The following OSBPL8 variants were observed in gnomAD, a reference collection of about 807,000 sequenced individuals.
OSBPL8 encodes oxysterol binding protein like 8, also known as oxysterol-binding protein-related protein 8.
OSBPL8 carries 59 observed loss-of-function variants against 125.5 expected under a neutral mutation model. That is an observed-to-expected ratio of 0.47 (90% confidence interval 0.38 to 0.58). The LOEUF (loss-of-function observed/expected upper bound fraction) is 0.58. Ranked by LOEUF, OSBPL8 falls within the 20% of genes least tolerant of loss-of-function variation. The pLI is 0.00. For missense variants in OSBPL8, 758 were observed against 1,047.8 expected, an observed-to-expected ratio of 0.72 and a Z score of 3.82; for synonymous variants, 330 against 338.9, an observed-to-expected ratio of 0.97 and a Z score of 0.29.
chr12:76,499,486 T>G (rs1383842493), intron 1 of OSBPL8, among the ~76,000 whole-genome samples: 2 of 152,022 alleles, frequency 1.3e-5, no homozygotes, highest in African/African-American at 2.4e-5. Context: ...TCCTTCCACC[T>G]CGACCTCCCA....
chr12:76,468,979 TC>T (rs1875791105), intron 2 of OSBPL8, among the ~76,000 whole-genome samples: 1 of 152,194 alleles, frequency 6.6e-6, no homozygotes, highest in Non-Finnish European at 1.5e-5. Flanking sequence ...GGCTATACTA[TC>T]AGACAACTCA....
intron 1 of OSBPL8, among the ~76,000 whole-genome samples, chr12:76,500,495 TTTAAG>T (rs1179779302): frequency 6.6e-6 from 1 of 152,218 alleles, no homozygotes; most frequent in Non-Finnish European, 1.5e-5. Context: ...CTTAATACTA[TTTAAG>T]TTTTTAAAAT....
intron 1 of OSBPL8, among the ~76,000 whole-genome samples, chr12:76,536,805 T>C (rs1332209662): frequency 7.7e-6 from 1 of 129,336 alleles, no homozygotes; most frequent in African/African-American, 3.1e-5. Context: ...CAAATCCATA[T>C]ATAGGAGTAT....
intron 4 of OSBPL8, among the ~76,000 whole-genome samples, chr12:76,447,866 G>A (rs1017027183): frequency 2.0e-5 from 3 of 152,064 alleles, no homozygotes; most frequent in South Asian, 2.1e-4. Flanking sequence ...TCTTAAAACC[G>A]TCAAAGACAC....
At chr12:76,374,263 T>A (rs1389297897) in intron 17 of OSBPL8, among the ~76,000 whole-genome samples, 2 of 152,256 alleles carry the variant, frequency 1.3e-5, no homozygotes, top group Admixed American at 1.3e-4. Context: ...AATTTCCCTT[T>A]CATTTTGAGG....
chr12:76,425,687 T>C (rs1870066882), intron 4 of OSBPL8, among the ~76,000 whole-genome samples: 1 of 152,188 alleles, frequency 6.6e-6, no homozygotes, highest in Admixed American at 6.5e-5. Flanking sequence ...TTCTTCTCTG[T>C]TCCTTCAAGC....
intron 4 of OSBPL8, among the ~76,000 whole-genome samples, chr12:76,420,120 T>A (rs1869277690): frequency 6.6e-6 from 1 of 152,198 alleles, no homozygotes; most frequent in South Asian, 2.1e-4. Context: ...GCAAATTTTA[T>A]GTTGCGTCAG....
intron 10 of OSBPL8, among the ~76,000 whole-genome samples, chr12:76,391,088 C>A (rs1191454153): frequency 6.6e-6 from 1 of 151,870 alleles, no homozygotes; most frequent in Non-Finnish European, 1.5e-5. Context: ...CAACTGAACT[C>A]AAATAAATTA....
chr12:76,475,381 T>C (rs536016881), intron 2 of OSBPL8, among the ~76,000 whole-genome samples: 36 of 152,338 alleles, frequency 2.4e-4, no homozygotes, highest in African/African-American at 8.2e-4. Flanking sequence ...CCTCCCAAAG[T>C]CTAGATTAGC....
chr12:76,544,295 G>GT (rs1198296918), intron 1 of OSBPL8, among the ~76,000 whole-genome samples: 1 of 152,112 alleles, frequency 6.6e-6, no homozygotes, highest in African/African-American at 2.4e-5. Flanking sequence ...TTAATTTTAT[G>GT]TGTGAGACTT....
At chr12:76,371,719 G>C in intron 18 of OSBPL8, 135 bp from the exon 19 acceptor site, 1 of 793,134 alleles carries the variant, frequency 1.3e-6, no homozygotes, top group Admixed American at 4.1e-5. Flanking sequence ...AATATAACTA[G>C]CACTTTTCCA....
At chr12:76,401,239 C>T (rs1916729) in intron 6 of OSBPL8, among the ~76,000 whole-genome samples, 2,007 of 152,184 alleles carry the variant, frequency 0.013, 30 homozygotes, top group African/African-American at 0.041. Flanking sequence ...CTTTTCAGAC[C>T]TTTTCTAAGT....
intron 1 of OSBPL8, among the ~76,000 whole-genome samples, chr12:76,552,644 C>T (rs1406321519): frequency 1.3e-5 from 2 of 151,982 alleles, no homozygotes; most frequent in East Asian, 3.9e-4. Context: ...CTCTTTCAGA[C>T]CATGTAAGAA....
chr12:76,421,124 G>A (rs980671605), intron 4 of OSBPL8, among the ~76,000 whole-genome samples: 1 of 151,898 alleles, frequency 6.6e-6, no homozygotes, highest in African/African-American at 2.4e-5. Flanking sequence ...TGGACTTGTG[G>A]CATGAAGGTC....
At chr12:76,494,615 G>A (rs1230199925) in intron 1 of OSBPL8, among the ~76,000 whole-genome samples, 2 of 152,166 alleles carry the variant, frequency 1.3e-5, no homozygotes, top group African/African-American at 4.8e-5. Context: ...AATATGGCGT[G>A]AGGATGAGAA....
intron 2 of OSBPL8, 78 bp from the exon 3 acceptor site, chr12:76,459,973 A>G: frequency 1.4e-6 from 2 of 1,410,226 alleles, no homozygotes; most frequent in Non-Finnish European, 2.0e-6. Context: ...GGACGGAAAC[A>G]GCAGTGAAAC....
intron 4 of OSBPL8, among the ~76,000 whole-genome samples, chr12:76,444,383 C>T (rs1872533657): frequency 2.0e-5 from 3 of 152,096 alleles, no homozygotes; most frequent in African/African-American, 7.2e-5. Flanking sequence ...ATTTTGAAAA[C>T]TGAGATAACA....
rs1953327760 is a variant in OSBPL8 at position 76,386,679 on chromosome 12, A to C, written c.1353-19T>G. On this transcript the variant is annotated intron_variant, in intron 12 of 23. Coordinates refer to ENST00000261183, the MANE Select transcript of OSBPL8 (RefSeq NM_020841.5). ...AGCTGCCCTAAAACACAAAACGGTA[A>C]ACAAAAATTTTAAAAAATGTATCAC... The C allele has an allele frequency of 6.4e-7, 1 of 1,568,982 alleles. No homozygotes were observed. The highest frequency in any genetic ancestry group is 8.7e-7 in the Non-Finnish European group (1 of 1,154,106).
chr12:76,540,064 C>T (rs2137414349), intron 1 of OSBPL8, among the ~76,000 whole-genome samples: 1 of 152,252 alleles, frequency 6.6e-6, no homozygotes, highest in Admixed American at 6.5e-5. Flanking sequence ...TCCTTCCTCC[C>T]CCGATCATTG....
Sources: allele counts gnomAD v4.1 joint callset (sites outside exome capture counted in the v4.1 genomes callset), GRCh38; gene constraint gnomAD v4.1.1; transcripts MANE v1.5; gene names NCBI Gene and HGNC (gene_info 2026-07-23, HGNC 2026-07-21).